Variants in ZNF407 observed in about 807,000 individuals in gnomAD.
The protein encoded by ZNF407 is zinc finger protein 407.
In ZNF407, 17 loss-of-function variants were observed where a neutral mutation model predicts 131.2. The ratio of observed to expected loss-of-function variants is 0.13; its 90% CI spans 0.09 to 0.19. ZNF407 has a LOEUF of 0.19. Ranked by LOEUF, ZNF407 falls within the 10% of genes least tolerant of loss-of-function variation. The pLI is 1.00. For missense variants in ZNF407, 2,681 were observed against 2,830.6 expected (o/e 0.95, Z 1.20); for synonymous variants, 1,156 against 1,062.0 (o/e 1.09, Z -1.72).
At chr18:75,047,861 C>T (rs1165789376) in intron 8 of ZNF407, among the ~76,000 whole-genome samples, 1 of 152,236 alleles carries the variant, frequency 6.6e-6, no homozygotes, top group Non-Finnish European at 1.5e-5. Context: ...GATTGTCTGG[C>T]TGCTGCAGGA....
Position 74,848,334 on chromosome 18 carries a change from G to A in ZNF407, c.4878-28863G>A, listed in dbSNP as rs139668612. On this transcript the variant is annotated intron_variant, in intron 4 of 8. Coordinates refer to ENST00000299687, the MANE Select transcript of ZNF407 (RefSeq NM_017757.3). ...AGTCATTTTTGGGTGATACTTGACT[G>A]GAAAGTTTTGGAGTTTCTTGAAGGA... Among the ~76,000 whole-genome samples, 208 of 152,180 alleles carry A rather than the reference G, an allele frequency of 1.4e-3. 3 individuals are homozygous for A. The East Asian group carries it at 0.035, about 26-fold the overall frequency.
rs1359466766 is a variant in ZNF407 at position 74,716,665 on chromosome 18, C to T, written c.4803-64763C>T. 2.0e-5 allele frequency among the ~76,000 whole-genome samples: 3 copies of T among 152,064 alleles called. No homozygotes were observed. The East Asian group carries it at 5.8e-4, about 29-fold the overall frequency. On this transcript the variant is annotated intron_variant, in intron 3 of 8. Coordinates refer to ENST00000299687, the MANE Select transcript of ZNF407 (RefSeq NM_017757.3). ...TTGGTGAAGTAAACAACACAAATTT[C>T]TGAAGTTAAAATATACTATGGTAAA...
At chr18:74,685,518 C>A (rs934930509) in intron 3 of ZNF407, among the ~76,000 whole-genome samples, 1 of 152,156 alleles carries the variant, frequency 6.6e-6, no homozygotes, top group Admixed American at 6.5e-5. Context: ...CTTCTGTGCT[C>A]AGCACATTGT....
intron 1 of ZNF407, among the ~76,000 whole-genome samples, chr18:74,621,507 G>T (rs1983508853): frequency 6.6e-6 from 1 of 152,036 alleles, no homozygotes; most frequent in East Asian, 1.9e-4. Context: ...GCTGTGGGCA[G>T]CAGCCCCCAG....
chr18:74,786,734 A>G (rs1019618937), intron 4 of ZNF407, among the ~76,000 whole-genome samples: 1 of 150,546 alleles, frequency 6.6e-6, no homozygotes, highest in Admixed American at 6.6e-5. Context: ...ACAGTTAAAT[A>G]TAAATAGTAT....
intron 8 of ZNF407, chr18:74,920,899 A>G: frequency 8.1e-7 from 1 of 1,232,718 alleles, no homozygotes; most frequent in Non-Finnish European, 1.0e-6. Flanking sequence ...TTATCAAAAA[A>G]GGAAATCTGA....
chr18:74,948,867 A>C (rs1479612582), intron 8 of ZNF407, among the ~76,000 whole-genome samples: 1 of 152,246 alleles, frequency 6.6e-6, no homozygotes, highest in East Asian at 1.9e-4. Context: ...TTCCAAAAAT[A>C]AAAGTCAGAA....
chr18:74,910,513 C>T (rs1971655411), intron 7 of ZNF407, among the ~76,000 whole-genome samples: 1 of 151,970 alleles, frequency 6.6e-6, no homozygotes, highest in South Asian at 2.1e-4. Context: ...ACTTAACATT[C>T]ACTTAAGTCT....
intron 4 of ZNF407, among the ~76,000 whole-genome samples, chr18:74,787,748 G>A (rs562460211): frequency 6.6e-6 from 1 of 152,260 alleles, no homozygotes; most frequent in South Asian, 2.1e-4. Flanking sequence ...CATTGCTAGA[G>A]AACTGCTTTT....
At chr18:74,727,468 A>G (rs542255151) in intron 3 of ZNF407, among the ~76,000 whole-genome samples, 75 of 152,250 alleles carry the variant, frequency 4.9e-4, no homozygotes, top group African/African-American at 1.7e-3. Context: ...GTATTAGATA[A>G]CAGTAGGTGG....
chr18:74,710,881 A>G (rs1967743661), intron 3 of ZNF407, among the ~76,000 whole-genome samples: 1 of 152,204 alleles, frequency 6.6e-6, no homozygotes, highest in Non-Finnish European at 1.5e-5. Flanking sequence ...AGAATGGAAA[A>G]ACTGGCTCTG....
At chr18:74,801,909 A>G (rs1215910202) in intron 4 of ZNF407, among the ~76,000 whole-genome samples, 1 of 152,240 alleles carries the variant, frequency 6.6e-6, no homozygotes, top group Non-Finnish European at 1.5e-5. Flanking sequence ...ATGTTCTGTT[A>G]GCACATGACC....
chr18:74,983,146 A>G (rs916041900), intron 8 of ZNF407, among the ~76,000 whole-genome samples: 1 of 152,218 alleles, frequency 6.6e-6, no homozygotes, highest in Admixed American at 6.5e-5. Context: ...CCATGATTGC[A>G]TCATCTTCCC....
chr18:74,829,901 GCA>G (rs906350200), intron 4 of ZNF407, among the ~76,000 whole-genome samples: 1 of 151,916 alleles, frequency 6.6e-6, no homozygotes, highest in African/African-American at 2.4e-5. Flanking sequence ...CAAATATCCT[GCA>G]CTGAAGCCCT....
At chr18:74,995,467 A>C (rs1426537271) in intron 8 of ZNF407, among the ~76,000 whole-genome samples, 1 of 152,228 alleles carries the variant, frequency 6.6e-6, no homozygotes, top group Admixed American at 6.5e-5. Flanking sequence ...GCATTAGGCT[A>C]TCAAAGAAAC....
intron 4 of ZNF407, among the ~76,000 whole-genome samples, chr18:74,866,987 GAAAAAAAAAAAA>G (rs35418996): frequency 1.6e-5 from 1 of 62,788 alleles, no homozygotes; most frequent in Non-Finnish European, 2.9e-5. Flanking sequence ...GTGTCTACCC[GAAAAAAAAAAAA>G]AAAAAAAAAA....
intron 2 of ZNF407, among the ~76,000 whole-genome samples, chr18:74,636,070 A>G (rs548332145): frequency 5.9e-5 from 9 of 152,344 alleles, no homozygotes; most frequent in African/African-American, 1.9e-4. Flanking sequence ...TTCAGAAGAC[A>G]TGTTAAGTGA....
intron 8 of ZNF407, among the ~76,000 whole-genome samples, chr18:75,017,016 G>A (rs979867828): frequency 2.0e-5 from 3 of 152,094 alleles, no homozygotes; most frequent in Admixed American, 6.6e-5. Flanking sequence ...AGTGTAAGCT[G>A]AAATATGTAA....
chr18:74,944,018 T>A (rs536492419), intron 8 of ZNF407, among the ~76,000 whole-genome samples: 1 of 152,306 alleles, frequency 6.6e-6, no homozygotes, highest in East Asian at 1.9e-4. Context: ...TTTCCCCCCT[T>A]CTTAGTTAGC....
Sources: allele counts gnomAD v4.1 joint callset (sites outside exome capture counted in the v4.1 genomes callset), GRCh38; gene constraint gnomAD v4.1.1; transcripts MANE v1.5; gene names NCBI Gene and HGNC (gene_info 2026-07-23, HGNC 2026-07-21).